VPS33B: variants seen among roughly 807,000 people sequenced by gnomAD.
VPS33B encodes VPS33B late endosome and lysosome associated.
In VPS33B, 80 loss-of-function variants were observed where a neutral mutation model predicts 95.3. That is an observed-to-expected ratio of 0.84 (90% CI 0.70 to 1.01). The LOEUF (loss-of-function observed/expected upper bound fraction) is 1.01. VPS33B is among the 50% of genes least tolerant of loss of function. VPS33B has a pLI of 0.00. For missense variants in VPS33B, 715 were observed against 773.4 expected, an observed-to-expected ratio of 0.92 and a Z score of 0.90; for synonymous variants, 280 against 280.4, an observed-to-expected ratio of 1.00 and a Z score of 0.01.
chr15:91,001,931 C>T (rs1805890088), intron 18 of VPS33B, 119 bp downstream of exon 18: 4 of 1,517,486 alleles, frequency 2.6e-6, no homozygotes, highest in South Asian at 2.3e-5. Flanking sequence ...ATAGTAATGA[C>T]ATTAATAGGA....
In VPS33B at chr15:90,999,738, C is replaced by T. The variant is rs745970132; in HGVS notation, c.1713G>A (p.Val571=). The T allele has an allele frequency of 3.7e-6, 6 of 1,614,192 alleles. No individual in the cohort carries two copies. The South Asian group carries it at 6.6e-5, about 18-fold the overall frequency. Residue 571 remains valine (V), a synonymous_variant, in exon 22 of 23, where the codon GTG becomes GTA. Coordinates refer to ENST00000333371, the MANE Select transcript of VPS33B (RefSeq NM_018668.5). This position sits in a 1 kb window ranked among gnomAD's most constrained non-coding sequence, Gnocchi z 5.1. ...CAGAGAATGTACAACCACCCAAGAACACCACCAAGATGAGGCGCAGGGACT... is the reference window on the plus strand; with the variant it reads ...CAGAGAATGTACAACCACCCAAGAATACCACCAAGATGAGGCGCAGGGACT... ...SSESLRLILV[V]FLGGCTFSEI...
chr15:91,015,314 T>A lies in VPS33B; in HGVS notation c.240-881A>T, dbSNP rs112815624. Among the ~76,000 whole-genome samples the A allele has an allele frequency of 0.01, 1,555 of 151,950 alleles. 25 individuals are homozygous for A. Among genetic ancestry groups the A allele is most frequent in the African/African-American group, 0.035 (1,457 of 41,400 alleles). On this transcript the variant is annotated intron_variant, in intron 3 of 22. Transcript: ENST00000333371. The surrounding 1 kb of genome is among the most constrained non-coding windows in gnomAD (Gnocchi z 4.7). ...TCGCGCCATTGCTCTCCAGCCTGGATGACAAGAGCTAAACTCCGTCTCAAA... is the reference window on the plus strand; with the variant it reads ...TCGCGCCATTGCTCTCCAGCCTGGAAGACAAGAGCTAAACTCCGTCTCAAA...
chr15:91,008,052 T>C (rs1407143208), intron 6 of VPS33B, 88 bp from the exon 7 acceptor site: 2 of 1,215,542 alleles, frequency 1.6e-6, no homozygotes, highest in Non-Finnish European at 2.4e-6. Flanking sequence ...TTTGAGTGCG[T>C]GCAACAAATA....
chr15:91,000,770 A>C lies in VPS33B; in HGVS notation c.1480-179T>G. The C allele has an allele frequency of 1.7e-6, 1 of 595,338 alleles. No individual in the cohort carries two copies. The highest frequency in any genetic ancestry group is 3.1e-6 in the Non-Finnish European group (1 of 326,268). 36.9% of individuals were successfully genotyped at this position (595,338 alleles called of 1,614,324 possible). On this transcript the variant is annotated intron_variant, in intron 19 of 22. Transcript: ENST00000333371. This position sits in a 1 kb window ranked among gnomAD's most constrained non-coding sequence, Gnocchi z 4.9. ...TGGCAGTTTTTGTTCAGTAACTGCC[A>C]GTTCTCTGGAATGAGTTCCCATGCG... is the stretch of plus-strand genomic sequence containing the variant.
intron 1 of VPS33B, among the ~76,000 whole-genome samples, chr15:91,019,699 T>C (rs1225630506): frequency 6.6e-6 from 1 of 152,044 alleles, no homozygotes; most frequent in African/African-American, 2.4e-5. Flanking sequence ...CTTAGGGAGT[T>C]AATAAAACCA....
intron 18 of VPS33B, among the ~76,000 whole-genome samples, chr15:91,001,685 C>T (rs1268166993): frequency 6.6e-6 from 1 of 152,184 alleles, no homozygotes; most frequent in East Asian, 1.9e-4. Context: ...AAATGCAATC[C>T]ACAGGGTAAC....
chr15:91,001,915 G>C, intron 18 of VPS33B, 135 bp downstream of exon 18: 1 of 1,403,506 alleles, frequency 7.1e-7, no homozygotes, highest in East Asian at 2.4e-5. Context: ...AGAAGTAGTA[G>C]TAATAATAGT....
At position 90,999,750 on chromosome 15, in the gene VPS33B, G is replaced by A. The variant is rs146999653; in HGVS notation, c.1701C>T (p.Leu567=). 3.1e-4 allele frequency: 497 copies of A among 1,614,164 alleles called. 1 individual carries two copies. The African/African-American group carries it at 5.6e-3, about 18-fold the overall frequency. The part of the protein sequence containing the change: ...EDKASSESLR[L]ILVVFLGGCT... ...AACCACCCAAGAACACCACCAAGATGAGGCGCAGGGACTCACTGGAAGCCT... is the reference window on the plus strand; with the variant it reads ...AACCACCCAAGAACACCACCAAGATAAGGCGCAGGGACTCACTGGAAGCCT... The change falls in exon 22 of 23, where the codon CTC becomes CTT. Residue 567 remains leucine, a synonymous_variant. Coordinates refer to ENST00000333371, the MANE Select transcript of VPS33B (RefSeq NM_018668.5). The surrounding 1 kb of genome is among the most constrained non-coding windows in gnomAD (Gnocchi z 5.1).
rs372898971 is a variant in VPS33B, at chr15:91,006,903, G to A, written c.700+47C>T. ...TTGCCACCACGCCTTCCATATTCCCGTGTCTTCTAGGGCTGAAAGATGACA... is the reference window on the plus strand; with the variant it reads ...TTGCCACCACGCCTTCCATATTCCCATGTCTTCTAGGGCTGAAAGATGACA... On this transcript the variant is annotated intron_variant, in intron 9 of 22. Coordinates refer to ENST00000333371, the MANE Select transcript of VPS33B (RefSeq NM_018668.5). The surrounding 1 kb of genome is among the most constrained non-coding windows in gnomAD (Gnocchi z 5.4). The A allele has an allele frequency of 2.2e-5, 36 of 1,610,026 alleles. No individual in the cohort carries two copies. The highest frequency in any genetic ancestry group is 1.2e-4 in the African/African-American group (9 of 74,826).
intron 2 of VPS33B, among the ~76,000 whole-genome samples, chr15:91,017,363 A>AT (rs1313607600): frequency 0.08 from 2,520 of 31,410 alleles, 476 homozygotes; most frequent in East Asian, 0.7. Context: ...TCTCTACAAA[A>AT]TTAAATATAT....
chr15:91,004,846 G>A (rs749686209), intron 16 of VPS33B, 31 bp downstream of exon 16: 8 of 1,613,222 alleles, frequency 5.0e-6, no homozygotes, highest in Admixed American at 1.7e-5. Context: ...TTCTCAATCT[G>A]ACATTCTCAT....
In VPS33B at chr15:91,009,708, T is replaced by C; in HGVS notation, c.403+93A>G. On this transcript the variant is annotated intron_variant, in intron 6 of 22. Coordinates refer to ENST00000333371, the MANE Select transcript of VPS33B (RefSeq NM_018668.5). This position sits in a 1 kb window ranked among gnomAD's most constrained non-coding sequence, Gnocchi z 4.1. ...TAAGACCAGGAAAAGAAGGAGCTGG[T>C]GGTGGGGGTGGGGTGGGGGGGTTGG... The C allele has an allele frequency of 1.0e-6, 1 of 998,888 alleles. No individual in the cohort carries two copies. The allele number at this position is 998,888 out of a possible 1,614,324, so 61.9% of individuals were successfully genotyped here.
intron 1 of VPS33B, 105 bp downstream of exon 1, chr15:91,022,049 A>C: frequency 7.5e-7 from 1 of 1,336,438 alleles, no homozygotes. Context: ...GCCAAGGACA[A>C]TACCAGGGGC....
chr15:91,013,115 A>G lies in VPS33B; in HGVS notation c.357+689T>C, dbSNP rs1046608806. Among the ~76,000 whole-genome samples the G allele has an allele frequency of 3.9e-5, 6 of 152,168 alleles. No individual in the cohort carries two copies. The highest frequency in any genetic ancestry group is 1.4e-4 in the African/African-American group (6 of 41,432). On this transcript the variant is annotated intron_variant, in intron 5 of 22. Transcript: ENST00000333371. This position sits in a 1 kb window ranked among gnomAD's most constrained non-coding sequence, Gnocchi z 4.5. ...TCACTGGAAAGCCGTAACATTGTGC[A>G]CCATTACTATACTAGAGTTTGTGTT...
In VPS33B at chr15:91,005,069, G is replaced by T; in HGVS notation, c.1156C>A (p.His386Asn). ...CACCTGCGCACCTGCCGGTCTATGT[G>T]TTCCTCAATGTAGCTGGTGCTCTCC... The part of the protein sequence containing the change: ...IRESTSYIEE[H>N]IDRQVSPIES... The change falls in exon 15 of 23, where the codon CAC (histidine) becomes AAC (asparagine). Residue 386 changes from histidine (H) to asparagine (N), a missense_variant. His to Asn is a moderately conservative substitution (Grantham distance 68, BLOSUM62 1). Transcript: ENST00000333371. This position sits in a 1 kb window ranked among gnomAD's most constrained non-coding sequence, Gnocchi z 6.4. 1 of 1,614,234 alleles carries T rather than the reference G, an allele frequency of 6.2e-7. No individual in the cohort carries two copies. The highest frequency in any genetic ancestry group is 8.5e-7 in the Non-Finnish European group (1 of 1,180,040).
Position 90,999,741 on chromosome 15 carries a change from C to G in VPS33B, c.1710G>C (p.Val570=), listed in dbSNP as rs756220519. The change falls in exon 22 of 23, where the codon GTG becomes GTC. Residue 570 remains valine, a synonymous_variant. Coordinates refer to ENST00000333371, the MANE Select transcript of VPS33B (RefSeq NM_018668.5). The surrounding 1 kb of genome is among the most constrained non-coding windows in gnomAD (Gnocchi z 5.1). ...ASSESLRLIL[V]VFLGGCTFSE... is the part of the protein sequence containing the mutation. ...AGAATGTACAACCACCCAAGAACAC[C>G]ACCAAGATGAGGCGCAGGGACTCAC... The G allele has an allele frequency of 1.9e-6, 3 of 1,614,180 alleles. No homozygotes were observed. The Admixed American group carries it at 5.0e-5, about 27-fold the overall frequency.
Position 91,002,434 on chromosome 15 carries a change from C to G in VPS33B, c.1273-252G>C, listed in dbSNP as rs1219125304. ...TCACTTGAGGTCAGGAGTTTGAGAC[C>G]AGCCTGGCCAACATGGTGAAACCCC... On this transcript the variant is annotated intron_variant, in intron 17 of 22. Coordinates refer to ENST00000333371, the MANE Select transcript of VPS33B (RefSeq NM_018668.5). This position sits in a 1 kb window ranked among gnomAD's most constrained non-coding sequence, Gnocchi z 4.7. Among the ~76,000 whole-genome samples, 1 of 152,010 alleles carries G rather than the reference C, an allele frequency of 6.6e-6. No individual in the cohort carries two copies.
At chr15:91,017,930 C>T (rs1453152924) in intron 1 of VPS33B, 45 bp from the exon 2 acceptor site, 3 of 1,595,544 alleles carry the variant, frequency 1.9e-6, no homozygotes, top group Admixed American at 3.3e-5. Flanking sequence ...GTCACATGAG[C>T]TTCCGCAGCT....
In VPS33B at chr15:91,007,548, G is replaced by C. The variant is rs1305488803; in HGVS notation, c.524C>G (p.Thr175Ser). Residue 175 changes from threonine to serine, a missense_variant, in exon 8 of 23, where the codon ACT becomes AGT. Transcript: ENST00000333371. This position sits in a 1 kb window ranked among gnomAD's most constrained non-coding sequence, Gnocchi z 5.3. The stretch of plus-strand genomic sequence containing the variant: ...GAGAAGGTGTAAGGCCTGAGCTACA[G>C]TGTTGATCCAACGCTGATCTCCTTC... ...FLEGDQRWIN[T>S]VAQALHLLST... 2.5e-6 allele frequency: 4 copies of C among 1,614,082 alleles called. No individual in the cohort carries two copies. The highest frequency in any genetic ancestry group is 3.4e-6 in the Non-Finnish European group (4 of 1,180,042).
Sources: gnomAD v4.1 joint callset for allele counts (sites outside exome capture counted in the v4.1 genomes callset) on GRCh38, gnomAD v4.1.1 for gene constraint, Gnocchi (gnomAD v3.1) non-coding constraint, MANE v1.5 for transcripts, NCBI Gene and HGNC (gene_info 2026-07-23, HGNC 2026-07-21) for gene names.